Variants in USP2 observed in about 807,000 individuals in gnomAD.
USP2 encodes the protein ubiquitin carboxyl-terminal hydrolase 2.
A neutral mutation model predicts 72.0 loss-of-function variants in USP2; 33 were observed. The observed-to-expected ratio is 0.46, with a 90% confidence interval of 0.35 to 0.61. The LOEUF (loss-of-function observed/expected upper bound fraction) is 0.61. USP2 is among the 20% of genes least tolerant of loss of function. The pLI, the probability that USP2 is intolerant of heterozygous loss-of-function variation, is 0.01. For missense variants in USP2, 691 were observed against 797.8 expected, an observed-to-expected ratio of 0.87 and a Z score of 1.61; for synonymous variants, 296 against 312.5, an observed-to-expected ratio of 0.95 and a Z score of 0.56.
At chr11:119,357,864 T>G (rs756166063) in intron 9 of USP2, 29 bp from the exon 10 acceptor site, 1 of 1,614,028 alleles carries the variant, frequency 6.2e-7, no homozygotes, top group South Asian at 1.1e-5. Context: ...AGAAAGAACT[T>G]GTGGGGAAGT....
chr11:119,371,731 A>G (rs1240813964), intron 2 of USP2, among the ~76,000 whole-genome samples: 1 of 152,104 alleles, frequency 6.6e-6, no homozygotes, highest in Non-Finnish European at 1.5e-5. Flanking sequence ...AAGGTAATGG[A>G]GGAGACACAG....
chr11:119,356,686 A>G lies in USP2; in HGVS notation c.*149T>C. 1 of 769,680 alleles carries G rather than the reference A, an allele frequency of 1.3e-6. No homozygotes were observed. The allele number at this position is 769,680 out of a possible 1,614,324, so 47.7% of individuals were successfully genotyped here. Reference sequence around the variant, plus strand: ...CGGCTCCTTGCTCCAGACCCTGATCAGGCTGCATCCACTCCTGCTCGGCAG... The same window carrying G: ...CGGCTCCTTGCTCCAGACCCTGATCGGGCTGCATCCACTCCTGCTCGGCAG... On this transcript the variant is annotated 3_prime_UTR_variant, in exon 13 of 13. Transcript: ENST00000260187.
chr11:119,358,323 A>T (rs537863257), intron 7 of USP2, 71 bp from the exon 8 acceptor site: 2 of 1,147,538 alleles, frequency 1.7e-6, no homozygotes, highest in Non-Finnish European at 2.5e-6. Context: ...AGCAGCTTTT[A>T]TTTTTTTTTT....
chr11:119,357,837 TGA>T lies in USP2; in HGVS notation c.1423-4_1423-3del, dbSNP rs45619639. ...TCTGCCTCGGCAGCGACAGCATGTC[TGA>T]GAGACAAGACAAACAGAAAGAACTT... is the stretch of plus-strand genomic sequence containing the variant. On this transcript the variant is annotated splice_region_variant and splice_polypyrimidine_tract_variant and intron_variant, in intron 9 of 12. Transcript: ENST00000260187. 0.086 allele frequency: 138,485 copies of T among 1,613,976 alleles called. 6,799 individuals carry two copies. The highest frequency in any genetic ancestry group is 0.1 in the Non-Finnish European group (117,997 of 1,179,952).
rs1359539209 is a variant in USP2 at position 119,359,345 on chromosome 11, A to G, written c.950-3T>C. ...GGTCTGAATTAGTTTTGCAAACTCT[A>G]TTGGAAGGAGAGAGTGTACAGGACA... On this transcript the variant is annotated splice_polypyrimidine_tract_variant and splice_region_variant and intron_variant, in intron 4 of 12. Coordinates refer to ENST00000260187, the MANE Select transcript of USP2 (RefSeq NM_004205.5). The G allele has an allele frequency of 3.1e-6, 5 of 1,612,040 alleles. No individual in the cohort carries two copies. Among genetic ancestry groups the G allele is most frequent in the East Asian group, 2.2e-5 (1 of 44,846 alleles).
intron 2 of USP2, among the ~76,000 whole-genome samples, chr11:119,365,348 G>C (rs1213666219): frequency 6.6e-6 from 1 of 152,102 alleles, no homozygotes; most frequent in Non-Finnish European, 1.5e-5. Flanking sequence ...TAATGAGAGA[G>C]GGATGGGGAC....
chr11:119,368,405 T>G (rs1950882963), intron 2 of USP2, among the ~76,000 whole-genome samples: 1 of 152,240 alleles, frequency 6.6e-6, no homozygotes, highest in South Asian at 2.1e-4. Flanking sequence ...CGAGTTGTAC[T>G]TCTCACCTAG....
At chr11:119,360,149 G>A (rs758297125) in intron 3 of USP2, 35 bp downstream of exon 3, 5 of 1,609,304 alleles carry the variant, frequency 3.1e-6, no homozygotes, top group South Asian at 2.2e-5. Context: ...AGTAGGGGGT[G>A]GGCCTGGGGA....
chr11:119,358,280 G>A (rs1406049611), intron 7 of USP2, 28 bp from the exon 8 acceptor site: 33 of 1,596,534 alleles, frequency 2.1e-5, no homozygotes, highest in Non-Finnish European at 2.7e-5. Flanking sequence ...ATGAGATGCT[G>A]AAATACAGGA....
chr11:119,357,896 C>T, intron 9 of USP2, 61 bp from the exon 10 acceptor site: 2 of 1,610,016 alleles, frequency 1.2e-6, no homozygotes, highest in South Asian at 1.1e-5. Context: ...AATCCAGTCA[C>T]TCCTCAACTG....
At chr11:119,365,318 A>G (rs925018653) in intron 2 of USP2, among the ~76,000 whole-genome samples, 12 of 152,116 alleles carry the variant, frequency 7.9e-5, no homozygotes, top group Non-Finnish European at 1.5e-4. Context: ...CAGGCCACCG[A>G]CAAAGCAGCA....
In USP2 at chr11:119,381,587, C is replaced by T; in HGVS notation, c.-156G>A. 1 of 1,525,288 alleles carries T rather than the reference C, an allele frequency of 6.6e-7. No individual in the cohort carries two copies. The highest frequency in any genetic ancestry group is 8.8e-7 in the Non-Finnish European group (1 of 1,137,414). The allele number at this position is 1,525,288 out of a possible 1,614,324, so 94.5% of individuals were successfully genotyped here. The stretch of plus-strand genomic sequence containing the variant: ...GCACCAGCTGACGAAGAGGGCTCCC[C>T]GGCCTCGGCTCCTGCCTGACTCTCT... On this transcript the variant is annotated 5_prime_UTR_variant, in exon 1 of 13. Transcript: ENST00000260187.
rs759691426 is a variant in USP2 at position 119,358,872 on chromosome 11, G to C, written c.1173-35C>G. ...AGAGAGAGACAACAATTGGGTCAAA[G>C]CTCAAAACTTAAGTTTAAGGGTCTG... is the stretch of plus-strand genomic sequence containing the variant. On this transcript the variant is annotated intron_variant, in intron 6 of 12. Coordinates refer to ENST00000260187, the MANE Select transcript of USP2 (RefSeq NM_004205.5). 3 of 1,612,250 alleles carry C rather than the reference G, an allele frequency of 1.9e-6. No individual in the cohort carries two copies. The South Asian group carries it at 3.3e-5, about 18-fold the overall frequency.
In USP2 at chr11:119,358,856, C is replaced by T. The variant is rs371751796; in HGVS notation, c.1173-19G>A. On this transcript the variant is annotated intron_variant, in intron 6 of 12. Coordinates refer to ENST00000260187, the MANE Select transcript of USP2 (RefSeq NM_004205.5). ...GTCATCACTGGGAACCAGAGAGAGA[C>T]AACAATTGGGTCAAAGCTCAAAACT... is the stretch of plus-strand genomic sequence containing the variant. 3.1e-6 allele frequency: 5 copies of T among 1,613,926 alleles called. No individual in the cohort carries two copies. Among genetic ancestry groups the T allele is most frequent in the East Asian group, 4.5e-5 (2 of 44,886 alleles).
chr11:119,369,495 C>T (rs530796094), intron 2 of USP2, among the ~76,000 whole-genome samples: 2 of 151,836 alleles, frequency 1.3e-5, no homozygotes, highest in East Asian at 3.9e-4. Context: ...ACAGGATGTA[C>T]TTTTTTTTAC....
At chr11:119,364,352 C>A in intron 2 of USP2, 1 of 243,428 alleles carries the variant, frequency 4.1e-6, no homozygotes, top group Non-Finnish European at 6.6e-6. Flanking sequence ...CCTCCCCCGC[C>A]GGGCCTTCCC....
intron 2 of USP2, among the ~76,000 whole-genome samples, chr11:119,369,064 A>C (rs1412994395): frequency 1.3e-5 from 2 of 152,162 alleles, no homozygotes; most frequent in Non-Finnish European, 2.9e-5. Flanking sequence ...GGGTCTCTGC[A>C]GGGCTGAGCC....
chr11:119,363,258 C>T (rs1028241774), intron 2 of USP2, among the ~76,000 whole-genome samples: 1 of 152,254 alleles, frequency 6.6e-6, no homozygotes, highest in Non-Finnish European at 1.5e-5. Flanking sequence ...CCCCGGCATT[C>T]CCCTGGGGGC....
chr11:119,371,313 C>T (rs534179775), intron 2 of USP2, among the ~76,000 whole-genome samples: 2 of 152,228 alleles, frequency 1.3e-5, no homozygotes, highest in Admixed American at 1.3e-4. Flanking sequence ...TGGGGTTGAA[C>T]AGCACCAGCC....
Sources: allele counts gnomAD v4.1 joint callset (sites outside exome capture counted in the v4.1 genomes callset), GRCh38; gene constraint gnomAD v4.1.1; transcripts MANE v1.5; gene names NCBI Gene and HGNC (gene_info 2026-07-23, HGNC 2026-07-21).